The following ARHGAP30 variants were observed in gnomAD, a reference collection of about 807,000 sequenced individuals.
ARHGAP30 encodes Rho GTPase activating protein 30, also known as rho GTPase-activating protein 30.
A neutral mutation model predicts 72.0 loss-of-function variants in ARHGAP30; 23 were observed. The observed-to-expected ratio is 0.32, with a 90% CI of 0.23 to 0.45. The LOEUF (loss-of-function observed/expected upper bound fraction) is 0.45. ARHGAP30 is among the 20% of genes least tolerant of loss of function. ARHGAP30 has a pLI of 1.00. For synonymous variants in ARHGAP30, 576 were observed against 528.2 expected (o/e 1.09, Z -1.24); for missense variants, 1,319 against 1,383.4 (o/e 0.95, Z 0.74).
In ARHGAP30 at chr1:161,051,526, C is replaced by T. The variant is rs748116515; in HGVS notation, c.1208G>A (p.Arg403His). The change falls in exon 10 of 12, where the codon CGT becomes CAT. Residue 403 changes from arginine to histidine, a missense_variant. Transcript: ENST00000368013. Reference protein sequence around the residue: ...RSAIRAGGSSRAERCAGVHIS... With the variant: ...RSAIRAGGSSHAERCAGVHIS... ...GTGGACACCAGCACAGCGTTCTGCA[C>T]GGCTGCTGCCCCCAGCCCGGATGGC... 4.6e-5 allele frequency: 75 copies of T among 1,614,076 alleles called. No homozygotes were observed. Among genetic ancestry groups the T allele is most frequent in the Non-Finnish European group, 5.8e-5 (68 of 1,180,044 alleles).
intron 1 of ARHGAP30, among the ~76,000 whole-genome samples, chr1:161,067,509 G>A (rs2101644172): frequency 6.6e-6 from 1 of 152,152 alleles, no homozygotes; most frequent in East Asian, 1.9e-4. Context: ...GGCAGAGGTT[G>A]CAGTGAGCCG....
chr1:161,066,410 G>T (rs1414085910), intron 1 of ARHGAP30, among the ~76,000 whole-genome samples: 1 of 150,916 alleles, frequency 6.6e-6, no homozygotes, highest in Non-Finnish European at 1.5e-5. Flanking sequence ...ACTTTGGGAG[G>T]CCGAGGCGAG....
Position 161,048,238 on chromosome 1 carries a change from A to G in ARHGAP30, c.2783T>C (p.Leu928Pro), listed in dbSNP as rs200666764. Residue 928 changes from leucine to proline, a missense_variant, in exon 12 of 12, where the codon CTG (leucine) becomes CCG (proline). Leu to Pro is a moderately conservative substitution (Grantham distance 98). This residue lies in a region of ARHGAP30 where 1,097 missense variants were observed against 1,045.2 expected (regional missense o/e 1.05). Transcript: ENST00000368013. ...AGAGCGGACCTGTTGGACCTGAACC[A>G]GAGTGGAAGCTAGACGCATGCCCAC... ...GGVGMRLASTLVQVQQVRSVP... is the reference protein window; with the variant it reads ...GGVGMRLASTPVQVQQVRSVP... 4 of 1,614,194 alleles carry G rather than the reference A, an allele frequency of 2.5e-6. No homozygotes were observed. The highest frequency in any genetic ancestry group is 3.4e-6 in the Non-Finnish European group (4 of 1,180,022).
In ARHGAP30 at chr1:161,048,355, G is replaced by A; in HGVS notation, c.2666C>T (p.Ala889Val). The A allele has an allele frequency of 6.2e-7, 1 of 1,614,146 alleles. No homozygotes were observed. The highest frequency in any genetic ancestry group is 8.5e-7 in the Non-Finnish European group (1 of 1,180,018). The change falls in exon 12 of 12, where the codon GCC (alanine) becomes GTC (valine). Residue 889 changes from alanine to valine, a missense_variant. Around this residue, in one of 2 missense-constraint regions of ARHGAP30, gnomAD observed 1,097 missense variants for 1,045.2 expected, o/e 1.05. Transcript: ENST00000368013. ...CTCCTCTGGCTGAGGTGGCTGTGGG[G>A]CTACCTCTTCCATCTCAGAAGAGTG... is the stretch of plus-strand genomic sequence containing the variant. The part of the protein sequence containing the change: ...NPHSSEMEEV[A>V]PQPPQPEEME...
At chr1:161,055,121 T>C (rs191540233) in intron 3 of ARHGAP30, among the ~76,000 whole-genome samples, 1 of 152,334 alleles carries the variant, frequency 6.6e-6, no homozygotes, top group East Asian at 1.9e-4. Context: ...TCAGTGCTCT[T>C]ATGCTCAATA....
At chr1:161,053,428 C>T (rs754392011) in intron 5 of ARHGAP30, 43 bp from the exon 6 acceptor site, 1 of 1,592,072 alleles carries the variant, frequency 6.3e-7, no homozygotes, top group South Asian at 1.1e-5. Context: ...CCCCACCAAA[C>T]TTCCCAATCC....
At chr1:161,056,177 GA>G (rs1175356574) in intron 3 of ARHGAP30, among the ~76,000 whole-genome samples, 1 of 152,158 alleles carries the variant, frequency 6.6e-6, no homozygotes, top group Non-Finnish European at 1.5e-5. Flanking sequence ...ACATAGCAGA[GA>G]GAGAGTGAAG....
Position 161,048,195 on chromosome 1 carries a change from G to C in ARHGAP30, c.2826C>G (p.Pro942=). The change falls in exon 12 of 12, where the codon CCC becomes CCG. Residue 942 remains proline (P), a synonymous_variant. Coordinates refer to ENST00000368013, the MANE Select transcript of ARHGAP30 (RefSeq NM_001025598.2). The part of the protein sequence containing the change: ...QQVRSVPVVP[P]KPQFAKMPSA... Reference sequence around the variant, plus strand: ...TGGGCATCTTGGCAAACTGTGGCTTGGGGGGCACCACAGGCACAGAGCGGA... The same window carrying C: ...TGGGCATCTTGGCAAACTGTGGCTTCGGGGGCACCACAGGCACAGAGCGGA... The C allele has an allele frequency of 6.2e-7, 1 of 1,613,996 alleles. No individual in the cohort carries two copies.
chr1:161,069,447 T>C lies in ARHGAP30; in HGVS notation c.97+81A>G. 2 of 1,442,772 alleles carry C rather than the reference T, an allele frequency of 1.4e-6. No individual in the cohort carries two copies. 89.4% of individuals were successfully genotyped at this position (1,442,772 alleles called of 1,614,324 possible). A position where few individuals can be genotyped will look rare whatever the true frequency, so the allele number is the denominator to read the frequency against. On this transcript the variant is annotated intron_variant, in intron 1 of 11. Coordinates refer to ENST00000368013, the MANE Select transcript of ARHGAP30 (RefSeq NM_001025598.2). The surrounding 1 kb of genome is among the most constrained non-coding windows in gnomAD (Gnocchi z 4.9). ...CTTCCCCAGGAGCACCGGAAACTGC[T>C]TCTGCCCTTCAGGCTGGATCGGGCT...
intron 1 of ARHGAP30, among the ~76,000 whole-genome samples, chr1:161,060,869 A>C (rs1357936616): frequency 6.6e-6 from 1 of 151,436 alleles, no homozygotes; most frequent in Non-Finnish European, 1.5e-5. Context: ...GTCTCCAGCT[A>C]ACTTTTTTGT....
At chr1:161,063,280 A>G (rs1453079845) in intron 1 of ARHGAP30, among the ~76,000 whole-genome samples, 1 of 152,260 alleles carries the variant, frequency 6.6e-6, no homozygotes, top group East Asian at 1.9e-4. Flanking sequence ...AGGGACCCCA[A>G]ATGGAGGGAC....
chr1:161,060,946 C>T (rs916865593), intron 1 of ARHGAP30, among the ~76,000 whole-genome samples: 5 of 151,636 alleles, frequency 3.3e-5, no homozygotes, highest in East Asian at 2.0e-4. Context: ...CCTCATATTT[C>T]GCCCGCCTCG....
At position 161,051,634 on chromosome 1, in the gene ARHGAP30, G is replaced by A. The variant is rs754279390; in HGVS notation, c.1100C>T (p.Ala367Val). The A allele has an allele frequency of 6.2e-7, 1 of 1,613,232 alleles. No homozygotes were observed. The highest frequency in any genetic ancestry group is 8.5e-7 in the Non-Finnish European group (1 of 1,180,026). Residue 367 changes from alanine to valine, a missense_variant, in exon 10 of 12, where the codon GCA becomes GTA. Physicochemically the swap from Ala to Val is moderately conservative, Grantham distance 64 (BLOSUM62 0). Around this residue, in one of 2 missense-constraint regions of ARHGAP30, gnomAD observed 1,097 missense variants for 1,045.2 expected, o/e 1.05. Transcript: ENST00000368013. ...PESLENDSIE[A>V]AEGEQEPEAE... Reference sequence around the variant, plus strand: ...CTCAGGCTCCTGTTCACCCTCTGCTGCCTCTATAGAATCGTTCTCCAAGCT... The same window carrying A: ...CTCAGGCTCCTGTTCACCCTCTGCTACCTCTATAGAATCGTTCTCCAAGCT...
chr1:161,069,490 C>G lies in ARHGAP30; in HGVS notation c.97+38G>C. On this transcript the variant is annotated intron_variant, in intron 1 of 11. Transcript: ENST00000368013. The surrounding 1 kb of genome is among the most constrained non-coding windows in gnomAD (Gnocchi z 4.9). ...ATCGGGCTGCAGATGCCCAGTGCCTCCCCACCCACCCTGCAGAAGCTGAGC... is the reference window on the plus strand; with the variant it reads ...ATCGGGCTGCAGATGCCCAGTGCCTGCCCACCCACCCTGCAGAAGCTGAGC... 7.2e-5 allele frequency: 109 copies of G among 1,522,784 alleles called. No homozygotes were observed. Among genetic ancestry groups the G allele is most frequent in the Non-Finnish European group, 8.9e-5 (98 of 1,105,972 alleles). The allele number at this position is 1,522,784 out of a possible 1,614,324, so 94.3% of individuals were successfully genotyped here. A position where few individuals can be genotyped will look rare whatever the true frequency, so the allele number is the denominator to read the frequency against.
chr1:161,066,635 A>C (rs1652793682), intron 1 of ARHGAP30, among the ~76,000 whole-genome samples: 2 of 107,900 alleles, frequency 1.9e-5, no homozygotes, highest in Admixed American at 1.1e-4. Context: ...ACAGAGCAAG[A>C]CTGCATCTCA....
intron 2 of ARHGAP30, 52 bp from the exon 3 acceptor site, chr1:161,056,584 A>C: frequency 6.3e-7 from 1 of 1,582,750 alleles, no homozygotes; most frequent in Non-Finnish European, 8.6e-7. Context: ...TGATGTGGGG[A>C]GAGGTGGGTC....
chr1:161,066,041 T>C (rs957845244), intron 1 of ARHGAP30, among the ~76,000 whole-genome samples: 6 of 150,764 alleles, frequency 4.0e-5, no homozygotes, highest in Non-Finnish European at 8.9e-5. Context: ...ATTTTTGTAT[T>C]TTTAGTAGAG....
chr1:161,051,319 G>GGGCCAGGGCCAA lies in ARHGAP30; in HGVS notation c.1403_1414dup (p.Leu468_Gly471dup), dbSNP rs747690842. ...GTCAATCAATGGGTCCTCACCTGGG[G>GGGCCAGGGCCAA]GGCCAGGGCCAAGGCCAGGGCCAGG... On this transcript the variant is annotated inframe_insertion, in exon 10 of 12. Coordinates refer to ENST00000368013, the MANE Select transcript of ARHGAP30 (RefSeq NM_001025598.2). The GGGCCAGGGCCAA allele has an allele frequency of 6.3e-6, 10 of 1,596,082 alleles. No individual in the cohort carries two copies. The highest frequency in any genetic ancestry group is 3.4e-5 in the South Asian group (3 of 88,492).
chr1:161,067,967 G>C (rs932622526), intron 1 of ARHGAP30, among the ~76,000 whole-genome samples: 1 of 149,246 alleles, frequency 6.7e-6, no homozygotes, highest in African/African-American at 2.5e-5. Context: ...TCCTGCTCTC[G>C]GATTCACCTA....
Sources: allele counts gnomAD v4.1 joint callset (sites outside exome capture counted in the v4.1 genomes callset), GRCh38; gene constraint gnomAD v4.1.1; regional missense constraint gnomAD v4.1.1; non-coding constraint Gnocchi (gnomAD v3.1); transcripts MANE v1.5; gene names NCBI Gene and HGNC (gene_info 2026-07-23, HGNC 2026-07-21).